The following CTNNA2 variants were observed in gnomAD, a reference collection of about 807,000 sequenced individuals.
The protein encoded by CTNNA2 is catenin alpha-2.
A neutral mutation model predicts 101.0 loss-of-function variants in CTNNA2; 42 were observed. The observed-to-expected ratio is 0.42, with a 90% CI of 0.32 to 0.54. The LOEUF (loss-of-function observed/expected upper bound fraction) is 0.54, where lower values mean the gene tolerates loss of function less well. CTNNA2 is among the 20% of genes least tolerant of loss of function. CTNNA2 has a pLI of 0.14. For missense variants in CTNNA2, 871 were observed against 1,223.1 expected (o/e 0.71, Z 4.29); for synonymous variants, 450 against 456.4 (o/e 0.99, Z 0.18).
intron 7 of CTNNA2, among the ~76,000 whole-genome samples, chr2:80,057,892 C>G (rs1234077587): frequency 6.6e-6 from 1 of 152,028 alleles, no homozygotes; most frequent in Non-Finnish European, 1.5e-5. Flanking sequence ...CTAGCAGATA[C>G]GCAGATACCC....
At chr2:80,601,906 G>A (rs1375011218) in intron 15 of CTNNA2, 1 of 151,912 alleles carries the variant, frequency 6.6e-6, no homozygotes, top group Non-Finnish European at 1.5e-5. Flanking sequence ...CTCTGAGCAC[G>A]TTACTTTAGC....
At chr2:79,602,120 G>A (rs1231673472) in intron 1 of CTNNA2, among the ~76,000 whole-genome samples, 1 of 152,202 alleles carries the variant, frequency 6.6e-6, no homozygotes, top group Non-Finnish European at 1.5e-5. Context: ...AAAGTTGAAA[G>A]ATCGTAAGTT....
chr2:79,289,411 C>G (rs190961948), intron 2 of CTNNA2, among the ~76,000 whole-genome samples: 61 of 152,252 alleles, frequency 4.0e-4, no homozygotes, highest in African/African-American at 1.3e-3. Flanking sequence ...TATTCACTTT[C>G]CAGTTTCCCA....
intron 3 of CTNNA2, among the ~76,000 whole-genome samples, chr2:79,843,516 A>G (rs1679981848): frequency 6.6e-6 from 1 of 152,180 alleles, no homozygotes; most frequent in Non-Finnish European, 1.5e-5. Flanking sequence ...CACGATGCCT[A>G]CTTCTTCCTT....
In CTNNA2 at chr2:79,506,026, T is replaced by C. The variant is rs186010152; in HGVS notation, c.-6+844T>C. On this transcript the variant is annotated intron_variant, in intron 5 of 21. Transcript: ENST00000466387. ...TGAGCCTTTAGTAAGAATGTCATAA[T>C]AATACACAATGTAAACAGGCACTGG... is the stretch of plus-strand genomic sequence containing the variant. 5.3e-4 allele frequency among the ~76,000 whole-genome samples: 81 copies of C among 152,310 alleles called. 1 individual carries two copies. Among genetic ancestry groups the C allele is most frequent in the Admixed American group, 4.6e-3 (71 of 15,292 alleles).
At chr2:79,790,217 G>A (rs771583110) in intron 3 of CTNNA2, among the ~76,000 whole-genome samples, 2 of 152,128 alleles carry the variant, frequency 1.3e-5, no homozygotes, top group Non-Finnish European at 2.9e-5. Flanking sequence ...TGGGGAAGAG[G>A]AAAAGAGGAA....
At chr2:80,062,873 T>C (rs753740936) in intron 7 of CTNNA2, among the ~76,000 whole-genome samples, 2 of 151,938 alleles carry the variant, frequency 1.3e-5, no homozygotes, top group African/African-American at 4.8e-5. Flanking sequence ...ACCTGGCTAA[T>C]TTTTTGTATT....
chr2:80,469,442 C>T (rs1393762611), intron 9 of CTNNA2, among the ~76,000 whole-genome samples: 1 of 152,158 alleles, frequency 6.6e-6, no homozygotes, highest in Non-Finnish European at 1.5e-5. Context: ...AAAAAGTCAG[C>T]TCAGATATTA....
Position 80,302,221 on chromosome 2 carries a change from T to C in CTNNA2, c.1057-90990T>C, listed in dbSNP as rs536376149. 6.3e-7 allele frequency: 1 copy of C among 1,594,326 alleles called. No individual in the cohort carries two copies. Among genetic ancestry groups the C allele is most frequent in the Non-Finnish European group, 8.6e-7 (1 of 1,169,484 alleles). The stretch of plus-strand genomic sequence containing the variant: ...GTCCCGGCTGCCCAGGCGTATTTGG[T>C]AGCGCATGGGTTGAGAGCCACTGGG... On this transcript the variant is annotated intron_variant, in intron 7 of 18. Coordinates refer to ENST00000402739, the MANE Select transcript of CTNNA2 (RefSeq NM_001282597.3). The surrounding 1 kb of genome is among the most constrained non-coding windows in gnomAD (Gnocchi z 6.4).
intron 12 of CTNNA2, among the ~76,000 whole-genome samples, chr2:80,562,734 A>G (rs1693716089): frequency 6.6e-6 from 1 of 152,194 alleles, no homozygotes; most frequent in African/African-American, 2.4e-5. Context: ...CACACAGTGG[A>G]GTAGTATGCA....
intron 2 of CTNNA2, among the ~76,000 whole-genome samples, chr2:79,304,354 A>G (rs983311035): frequency 6.6e-6 from 1 of 152,234 alleles, no homozygotes; most frequent in African/African-American, 2.4e-5. Context: ...TGGTGTATCC[A>G]TCCCAGAACA....
intron 2 of CTNNA2, among the ~76,000 whole-genome samples, chr2:79,230,327 C>T (rs1048872717): frequency 2.6e-5 from 4 of 152,180 alleles, no homozygotes; most frequent in African/African-American, 7.2e-5. Context: ...TGCTTCCAAG[C>T]CACTCCAGCC....
chr2:80,619,343 T>A, intron 18 of CTNNA2, 115 bp downstream of exon 18: 1 of 1,192,492 alleles, frequency 8.4e-7, no homozygotes, highest in Non-Finnish European at 1.1e-6. Context: ...CTCTTAATAT[T>A]AACCAACTTT....
intron 7 of CTNNA2, among the ~76,000 whole-genome samples, chr2:80,113,870 G>A (rs749093773): frequency 1.1e-4 from 16 of 152,156 alleles, no homozygotes; most frequent in Middle Eastern, 3.2e-3. Context: ...TGGATATTGT[G>A]TGCATTTCTG....
intron 1 of CTNNA2, among the ~76,000 whole-genome samples, chr2:79,641,370 A>C (rs557767721): frequency 6.6e-6 from 1 of 152,350 alleles, no homozygotes; most frequent in East Asian, 1.9e-4. Context: ...AGGCAGAAGA[A>C]CAAAGAATAA....
intron 9 of CTNNA2, among the ~76,000 whole-genome samples, chr2:80,441,622 G>A (rs932513845): frequency 6.6e-6 from 1 of 152,096 alleles, no homozygotes; most frequent in African/African-American, 2.4e-5. Context: ...CTTCTGTTTT[G>A]CAACTCCAAG....
intron 2 of CTNNA2, among the ~76,000 whole-genome samples, chr2:79,214,842 G>C (rs1674227177): frequency 6.6e-6 from 1 of 151,768 alleles, no homozygotes; most frequent in Non-Finnish European, 1.5e-5. Context: ...TAAAAGTATT[G>C]TCTAAGTTGG....
At chr2:79,766,717 T>G (rs1673182004) in intron 3 of CTNNA2, among the ~76,000 whole-genome samples, 2 of 152,102 alleles carry the variant, frequency 1.3e-5, no homozygotes, top group Non-Finnish European at 2.9e-5. Context: ...TCATTGATTT[T>G]CATTCTTTTT....
At chr2:80,149,694 T>C (rs1703569558) in intron 7 of CTNNA2, among the ~76,000 whole-genome samples, 1 of 151,700 alleles carries the variant, frequency 6.6e-6, no homozygotes, top group Non-Finnish European at 1.5e-5. Context: ...CAACTGCTAG[T>C]TCCTTTCCAA....
Sources: allele counts gnomAD v4.1 joint callset (sites outside exome capture counted in the v4.1 genomes callset), GRCh38; gene constraint gnomAD v4.1.1; non-coding constraint Gnocchi (gnomAD v3.1); transcripts MANE v1.5; gene names NCBI Gene and HGNC (gene_info 2026-07-23, HGNC 2026-07-21).